Variants in ADNP observed in about 807,000 individuals in gnomAD.
ADNP encodes the protein activity-dependent neuroprotector homeobox protein.
In ADNP, 4 loss-of-function variants were observed where a neutral mutation model predicts 84.9. The observed-to-expected ratio is 0.05, with a 90% CI of 0.02 to 0.11. The LOEUF is 0.11. Among genes scored for constraint, ADNP ranks in the 10% least tolerant of loss-of-function variants. ADNP has a pLI of 1.00. For missense variants in ADNP, 1,132 were observed against 1,326.0 expected, an observed-to-expected ratio of 0.85 and a Z score of 2.27; for synonymous variants, 554 against 468.1, an observed-to-expected ratio of 1.18 and a Z score of -2.37.
At chr20:50,924,717 CAT>C (rs536473865) in intron 2 of ADNP, among the ~76,000 whole-genome samples, 22 of 152,322 alleles carry the variant, frequency 1.4e-4, no homozygotes, top group Middle Eastern at 6.8e-3. Context: ...ATCACAGTCA[CAT>C]GAGAAGTGAC....
At chr20:50,907,605 C>T (rs1003319162) in intron 2 of ADNP, among the ~76,000 whole-genome samples, 1 of 149,710 alleles carries the variant, frequency 6.7e-6, no homozygotes, top group East Asian at 2.0e-4. Context: ...TAACGCCTGG[C>T]CAGGGTTCCA....
rs773231191 is a variant in ADNP, at chr20:50,892,592, G to T, written c.2122C>A (p.Gln708Lys). 1 of 1,614,224 alleles carries T rather than the reference G, an allele frequency of 6.2e-7. No individual in the cohort carries two copies. The highest frequency in any genetic ancestry group is 1.7e-5 in the Admixed American group (1 of 60,024). The stretch of plus-strand genomic sequence containing the variant: ...TTCACAGGTGCCAGACTTGGAGACT[G>T]ATTAAGCCGAGAGGGTGCATTTGTC... ...DKTNAPSRLN[Q>K]SPSLAPVKRT... is the part of the protein sequence containing the mutation. Residue 708 changes from glutamine to lysine, a missense_variant, in exon 6 of 6, where the codon CAG becomes AAG. Physicochemically the swap from Gln to Lys is moderately conservative, Grantham distance 53. This residue lies in a region of ADNP where 101 missense variants were observed against 78.5 expected (regional missense o/e 1.29). Transcript: ENST00000621696.
rs143103063 is a variant in ADNP, at chr20:50,891,771, C to A, written c.2943G>T (p.Val981=). ...CGCAGGTATTGTCCTCAAAGTCTGA[C>A]ACTTGTTGGGATCCAGGCCCACTCT... ...PSESGPGSQQ[V]SDFEDNTCEM... The change falls in exon 6 of 6, where the codon GTG becomes GTT. Residue 981 remains valine, a synonymous_variant. Coordinates refer to ENST00000621696, the MANE Select transcript of ADNP (RefSeq NM_001282531.3). The A allele has an allele frequency of 1.3e-3, 2,131 of 1,614,176 alleles. 4 individuals carry two copies. The highest frequency in any genetic ancestry group is 1.6e-3 in the Middle Eastern group (10 of 6,062).
intron 2 of ADNP, among the ~76,000 whole-genome samples, chr20:50,906,233 TAC>T (rs1982462040): frequency 6.6e-6 from 1 of 151,912 alleles, no homozygotes; most frequent in Admixed American, 6.6e-5. Flanking sequence ...AAAAAACACA[TAC>T]AGTTACTACA....
Position 50,890,819 on chromosome 20 carries a change from G to T in ADNP, c.*586C>A. On this transcript the variant is annotated 3_prime_UTR_variant, in exon 6 of 6. Transcript: ENST00000621696. ...AAAGTCCATACTAGCGCAGTTTTGA[G>T]CTTTTGCTAGGTAAACTAGATAGAG... The T allele has an allele frequency of 1.3e-6, 1 of 747,924 alleles. No individual in the cohort carries two copies. The highest frequency in any genetic ancestry group is 1.6e-6 in the Non-Finnish European group (1 of 613,076). 46.3% of individuals were successfully genotyped at this position (747,924 alleles called of 1,614,324 possible).
At chr20:50,903,458 C>A (rs888658160) in intron 4 of ADNP, among the ~76,000 whole-genome samples, 5 of 152,168 alleles carry the variant, frequency 3.3e-5, no homozygotes, top group African/African-American at 1.2e-4. Flanking sequence ...AGAAGAAGGT[C>A]AACCAGAACA....
Position 50,890,304 on chromosome 20 carries a change from A to T in ADNP, c.*1101T>A, listed in dbSNP as rs1980553153. 1 of 161,724 alleles carries T rather than the reference A, an allele frequency of 6.2e-6. No homozygotes were observed. The highest frequency in any genetic ancestry group is 6.4e-5 in the Admixed American group (1 of 15,566). 10.0% of individuals were successfully genotyped at this position (161,724 alleles called of 1,614,324 possible). A position where few individuals can be genotyped will look rare whatever the true frequency, so the allele number is the denominator to read the frequency against. On this transcript the variant is annotated 3_prime_UTR_variant, in exon 6 of 6. Coordinates refer to ENST00000621696, the MANE Select transcript of ADNP (RefSeq NM_001282531.3). ...TATGGCATTAAATGGCAAAAGATATAATGGACACACAGGACTGTCATGTGT... is the reference window on the plus strand; with the variant it reads ...TATGGCATTAAATGGCAAAAGATATTATGGACACACAGGACTGTCATGTGT...
rs1161702290 is a variant in ADNP at position 50,889,415 on chromosome 20, G to A, written c.*1990C>T. 1.3e-5 allele frequency: 2 copies of A among 153,280 alleles called. No individual in the cohort carries two copies. Among genetic ancestry groups the A allele is most frequent in the Admixed American group, 6.5e-5 (1 of 15,322 alleles). 9.5% of individuals were successfully genotyped at this position (153,280 alleles called of 1,614,324 possible). ...CATCCTGTCCTAAGTTTTGGCTGGT[G>A]CATGTAGAACTTATAATCTACCTGT... On this transcript the variant is annotated 3_prime_UTR_variant, in exon 6 of 6. Transcript: ENST00000621696.
At chr20:50,925,218 C>A (rs1473225514) in intron 2 of ADNP, among the ~76,000 whole-genome samples, 1 of 151,894 alleles carries the variant, frequency 6.6e-6, no homozygotes, top group Non-Finnish European at 1.5e-5. Context: ...GCAATCAAAA[C>A]TGTCACTTTC....
chr20:50,890,131 TA>T lies in ADNP; in HGVS notation c.*1273del, dbSNP rs150489825. 2,343 of 80,948 alleles carry T rather than the reference TA, an allele frequency of 0.029. 57 individuals carry two copies. The highest frequency in any genetic ancestry group is 0.057 in the African/African-American group (1,462 of 25,730). 5.0% of individuals were successfully genotyped at this position (80,948 alleles called of 1,614,324 possible). A position where few individuals can be genotyped will look rare whatever the true frequency, so the allele number is the denominator to read the frequency against. ...AACTCAAGGGTGTTTGTTTTTCAGT[TA>T]AAAAAAAAAAAAAAAAAAAAAAAAA... On this transcript the variant is annotated 3_prime_UTR_variant, in exon 6 of 6. Transcript: ENST00000621696.
intron 1 of ADNP, among the ~76,000 whole-genome samples, chr20:50,930,411 T>C (rs1179878150): frequency 1.4e-5 from 2 of 147,510 alleles, no homozygotes; most frequent in Non-Finnish European, 3.0e-5. Context: ...AGAAGGCTGG[T>C]TCAAGGCATG....
At chr20:50,915,884 A>G (rs1447668473) in intron 2 of ADNP, among the ~76,000 whole-genome samples, 2 of 151,988 alleles carry the variant, frequency 1.3e-5, no homozygotes, top group African/African-American at 4.8e-5. Flanking sequence ...AATCTGAATA[A>G]TGAACATCAA....
chr20:50,910,538 G>A (rs2122893780), intron 2 of ADNP, among the ~76,000 whole-genome samples: 1 of 152,340 alleles, frequency 6.6e-6, no homozygotes, highest in Middle Eastern at 3.4e-3. Flanking sequence ...AGTGGGCAAT[G>A]ATCGTGCCAC....
intron 2 of ADNP, among the ~76,000 whole-genome samples, chr20:50,919,839 G>C (rs918323633): frequency 1.1e-4 from 17 of 152,142 alleles, no homozygotes; most frequent in African/African-American, 3.9e-4. Flanking sequence ...TGAGTAACAA[G>C]GAACGACATG....
chr20:50,930,162 C>A (rs1984587660), intron 1 of ADNP, among the ~76,000 whole-genome samples: 1 of 152,122 alleles, frequency 6.6e-6, no homozygotes, highest in Admixed American at 6.5e-5. Flanking sequence ...CTCTGGATTT[C>A]CATTTTCTAC....
intron 1 of ADNP, among the ~76,000 whole-genome samples, chr20:50,929,935 G>A (rs1170455679): frequency 6.6e-6 from 1 of 152,044 alleles, no homozygotes; most frequent in East Asian, 1.9e-4. Flanking sequence ...CGTGTGTGGG[G>A]GGTGTGTGTG....
chr20:50,893,869 C>G lies in ADNP; in HGVS notation c.845G>C (p.Gly282Ala), dbSNP rs776367235. 13 of 1,614,036 alleles carry G rather than the reference C, an allele frequency of 8.1e-6. No individual in the cohort carries two copies. Among genetic ancestry groups the G allele is most frequent in the Non-Finnish European group, 1.1e-5 (13 of 1,180,042 alleles). ...AAGGGAACCGATCCTTGGTGGGAGT[C>G]CCATGCTCTTCTTGTCTTGAGGTTT... ...APKPQDKKSM[G>A]LPPRIGSLAS... The change falls in exon 6 of 6, where the codon GGA (glycine) becomes GCA (alanine). Residue 282 changes from glycine (G) to alanine (A), a missense_variant. Physicochemically the swap from Gly to Ala is moderately conservative, Grantham distance 60. Transcript: ENST00000621696. This position sits in a 1 kb window ranked among gnomAD's most constrained non-coding sequence, Gnocchi z 4.4.
In ADNP at chr20:50,893,537, A is replaced by T. The variant is rs1231152001; in HGVS notation, c.1177T>A (p.Ser393Thr). 1 of 1,613,836 alleles carries T rather than the reference A, an allele frequency of 6.2e-7. No homozygotes were observed. Among genetic ancestry groups the T allele is most frequent in the Non-Finnish European group, 8.5e-7 (1 of 1,180,034 alleles). The change falls in exon 6 of 6, where the codon TCC becomes ACC. Residue 393 changes from serine (S) to threonine (T), a missense_variant. Ser to Thr is a moderately conservative substitution (Grantham distance 58). Around this residue, in one of 10 missense-constraint regions of ADNP, gnomAD observed 239 missense variants for 213.2 expected, o/e 1.12. Transcript: ENST00000621696. The surrounding 1 kb of genome is among the most constrained non-coding windows in gnomAD (Gnocchi z 4.4). ...GAAGAGGCATTAGCAGACTGCAGGG[A>T]GTATCTTGCTGGTGCCTGGGACCTC... ...EQRSQAPARYSLQSANASSLS... is the reference protein window; with the variant it reads ...EQRSQAPARYTLQSANASSLS...
At chr20:50,902,162 C>T in intron 4 of ADNP, 53 bp from the exon 5 acceptor site, 1 of 1,318,012 alleles carries the variant, frequency 7.6e-7, no homozygotes, top group Non-Finnish European at 1.1e-6. Flanking sequence ...AACGCTAACC[C>T]AATCTTACAT....
Sources: gnomAD v4.1 joint callset for allele counts (sites outside exome capture counted in the v4.1 genomes callset) on GRCh38, gnomAD v4.1.1 for gene constraint, gnomAD v4.1.1 regional missense constraint, Gnocchi (gnomAD v3.1) non-coding constraint, MANE v1.5 for transcripts, NCBI Gene and HGNC (gene_info 2026-07-23, HGNC 2026-07-21) for gene names.